The following PLXNA4 variants were observed in gnomAD, a reference collection of about 807,000 sequenced individuals.
The protein encoded by PLXNA4 is plexin-A4.
PLXNA4 carries 44 observed loss-of-function variants against 191.8 expected under a neutral mutation model. The observed-to-expected ratio is 0.23, with a 90% CI of 0.18 to 0.29. PLXNA4 has a LOEUF of 0.29. Among genes scored for constraint, PLXNA4 ranks in the 10% least tolerant of loss-of-function variants. The pLI is 1.00. For missense variants in PLXNA4, 1,800 were observed against 2,488.8 expected (o/e 0.72, Z 5.89); for synonymous variants, 1,082 against 1,009.5 (o/e 1.07, Z -1.36).
intron 31 of PLXNA4, among the ~76,000 whole-genome samples, chr7:132,132,475 C>CTTTCTAT (rs879421660): frequency 1.7e-5 from 1 of 58,808 alleles, no homozygotes; most frequent in Admixed American, 1.8e-4. Context: ...CTGCTCTGCT[C>CTTTCTAT]TGCTCTGCTC....
At chr7:132,187,931 C>T (rs549748148) in intron 14 of PLXNA4, among the ~76,000 whole-genome samples, 2 of 152,038 alleles carry the variant, frequency 1.3e-5, no homozygotes, top group East Asian at 3.9e-4. Flanking sequence ...AATTTAATCA[C>T]CAATCAATTC....
At chr7:132,224,220 C>T (rs1798239667) in intron 8 of PLXNA4, among the ~76,000 whole-genome samples, 1 of 152,298 alleles carries the variant, frequency 6.6e-6, no homozygotes, top group African/African-American at 2.4e-5. Flanking sequence ...AAATGCCTCT[C>T]CATACAGGCT....
At chr7:132,639,910 C>T (rs569935562) in intron 2 of PLXNA4, among the ~76,000 whole-genome samples, 4 of 152,328 alleles carry the variant, frequency 2.6e-5, no homozygotes, top group Non-Finnish European at 5.9e-5. Flanking sequence ...CAGCCCCAGC[C>T]CTTTCTCTAA....
At chr7:132,433,771 C>A (rs572187803) in intron 3 of PLXNA4, among the ~76,000 whole-genome samples, 1 of 152,170 alleles carries the variant, frequency 6.6e-6, no homozygotes, top group Non-Finnish European at 1.5e-5. Flanking sequence ...CTCAGGTCAG[C>A]CCTGACTTCC....
chr7:132,335,251 T>G (rs1188251159), intron 3 of PLXNA4, among the ~76,000 whole-genome samples: 1 of 152,180 alleles, frequency 6.6e-6, no homozygotes, highest in Non-Finnish European at 1.5e-5. Context: ...GAAATTAGGA[T>G]TCTAGGGAGG....
intron 2 of PLXNA4, among the ~76,000 whole-genome samples, chr7:132,504,628 C>T (rs1031665555): frequency 2.0e-5 from 3 of 152,202 alleles, no homozygotes; most frequent in Admixed American, 1.3e-4. Context: ...CTACAAAATA[C>T]AAGTCCTAAA....
At chr7:132,185,173 G>A (rs932707232) in intron 16 of PLXNA4, 126 bp downstream of exon 16, 2 of 1,358,776 alleles carry the variant, frequency 1.5e-6, no homozygotes, top group African/African-American at 3.0e-5. Context: ...GGGGTGTTTG[G>A]AATCAATTCC....
chr7:132,161,197 G>A (rs1795938850), intron 24 of PLXNA4, among the ~76,000 whole-genome samples: 1 of 152,218 alleles, frequency 6.6e-6, no homozygotes, highest in South Asian at 2.1e-4. Context: ...AGCTTGCCCT[G>A]GGCTTCCTCC....
At chr7:132,585,803 G>A (rs74551625) in intron 2 of PLXNA4, among the ~76,000 whole-genome samples, 5,477 of 152,122 alleles carry the variant, frequency 0.036, 316 homozygotes, top group African/African-American at 0.12. Context: ...ATAAGGACTC[G>A]ATCCATCATG....
rs147439788 is a variant in PLXNA4, at chr7:132,293,360, C to T, written c.1503+4731G>A. 1.1e-3 allele frequency among the ~76,000 whole-genome samples: 165 copies of T among 152,230 alleles called. 1 individual carries two copies. The highest frequency in any genetic ancestry group is 3.7e-3 in the African/African-American group (155 of 41,540). ...GGCCTCACAATCACATCTTACATGGCGGCAGGGAAGACAGAATGAGAGCCA... is the reference window on the plus strand; with the variant it reads ...GGCCTCACAATCACATCTTACATGGTGGCAGGGAAGACAGAATGAGAGCCA... On this transcript the variant is annotated intron_variant, in intron 4 of 31. Coordinates refer to ENST00000321063, the MANE Select transcript of PLXNA4 (RefSeq NM_020911.2).
At chr7:132,484,536 G>A (rs1797465867) in intron 3 of PLXNA4, among the ~76,000 whole-genome samples, 1 of 152,204 alleles carries the variant, frequency 6.6e-6, no homozygotes, top group African/African-American at 2.4e-5. Context: ...AAATCGGTCA[G>A]CCCTGATGCT....
At chr7:132,218,490 G>A (rs556076774) in intron 9 of PLXNA4, among the ~76,000 whole-genome samples, 2 of 152,266 alleles carry the variant, frequency 1.3e-5, no homozygotes, top group East Asian at 3.9e-4. Context: ...AGCTCACTTT[G>A]CTTTTCAGTT....
At chr7:132,154,591 C>T (rs143822069) in intron 25 of PLXNA4, among the ~76,000 whole-genome samples, 5 of 152,266 alleles carry the variant, frequency 3.3e-5, no homozygotes, top group African/African-American at 9.6e-5. Context: ...GAAAGGCAAA[C>T]GCAGGCTGAG....
chr7:132,279,303 C>T (rs1454317483), intron 4 of PLXNA4, among the ~76,000 whole-genome samples: 18 of 152,040 alleles, frequency 1.2e-4, no homozygotes. Flanking sequence ...TCCATGTGTG[C>T]CTTAACATAG....
Position 132,148,798 on chromosome 7 carries a change from C to T in PLXNA4, c.4661-152G>A, listed in dbSNP as rs983001956. On this transcript the variant is annotated intron_variant, in intron 25 of 31. Coordinates refer to ENST00000321063, the MANE Select transcript of PLXNA4 (RefSeq NM_020911.2). ...CTCCTGCGAAAATGGAGTGCCAAAG[C>T]TCTCAACGCAGAGAGGCCCTGAGTT... 52 of 1,290,278 alleles carry T rather than the reference C, an allele frequency of 4.0e-5. No individual in the cohort carries two copies. The East Asian group carries it at 1.4e-3, about 34-fold the overall frequency. 79.9% of individuals were successfully genotyped at this position (1,290,278 alleles called of 1,614,324 possible). A position where few individuals can be genotyped will look rare whatever the true frequency, so the allele number is the denominator to read the frequency against.
intron 1 of PLXNA4, among the ~76,000 whole-genome samples, chr7:132,569,846 T>G (rs991547853): frequency 2.0e-5 from 3 of 152,200 alleles, no homozygotes; most frequent in Non-Finnish European, 4.4e-5. Flanking sequence ...TCTGTACCTA[T>G]CTGGCACAAT....
intron 28 of PLXNA4, among the ~76,000 whole-genome samples, chr7:132,146,068 A>C (rs1281024957): frequency 7.2e-6 from 1 of 139,640 alleles, no homozygotes. Flanking sequence ...TGACAGAACA[A>C]GACTCTGTCT....
At chr7:132,435,238 T>C (rs1795424622) in intron 3 of PLXNA4, among the ~76,000 whole-genome samples, 2 of 151,994 alleles carry the variant, frequency 1.3e-5, no homozygotes, top group Non-Finnish European at 2.9e-5. Context: ...CACAAACTCC[T>C]ACTGAACACG....
intron 25 of PLXNA4, 85 bp downstream of exon 25, chr7:132,159,388 C>G: frequency 3.8e-6 from 6 of 1,567,508 alleles, no homozygotes; most frequent in East Asian, 2.2e-5. Context: ...GATCTCTACC[C>G]CAGCCCTGCC....
Sources: allele counts gnomAD v4.1 joint callset (sites outside exome capture counted in the v4.1 genomes callset), GRCh38; gene constraint gnomAD v4.1.1; transcripts MANE v1.5; gene names NCBI Gene and HGNC (gene_info 2026-07-23, HGNC 2026-07-21).